NCAM1: variants seen among roughly 807,000 people sequenced by gnomAD.
NCAM1 encodes the protein antigen recognized by monoclonal antibody 5.1H11.
NCAM1 carries 14 observed loss-of-function variants against 109.8 expected under a neutral mutation model. The observed-to-expected ratio is 0.13, with a 90% CI of 0.08 to 0.20. NCAM1 has a LOEUF of 0.20. Among genes scored for constraint, NCAM1 ranks in the 10% least tolerant of loss-of-function variants. The pLI is 1.00. For synonymous variants in NCAM1, 418 were observed against 442.9 expected (o/e 0.94, Z 0.70); for missense variants, 774 against 1,109.9 (o/e 0.70, Z 4.30).
chr11:113,256,010 C>T lies in NCAM1; in HGVS notation c.1953+9C>T. 6.3e-7 allele frequency: 1 copy of T among 1,593,272 alleles called. No homozygotes were observed. The highest frequency in any genetic ancestry group is 1.3e-5 in the African/African-American group (1 of 74,488). On this transcript the variant is annotated intron_variant, in intron 16 of 19. Coordinates refer to ENST00000316851, the MANE Select transcript of NCAM1 (RefSeq NM_181351.5). ...TGGTCAGGTACCGAGCGGTGAGTGG[C>T]CTCCTTCTCAGACTTCACCAGAACC...
chr11:113,022,561 C>T (rs897991118), intron 1 of NCAM1, among the ~76,000 whole-genome samples: 2 of 152,136 alleles, frequency 1.3e-5, no homozygotes, highest in African/African-American at 4.8e-5. Flanking sequence ...AGAATAGAAT[C>T]TGGTAGAGAG....
chr11:112,987,753 C>G (rs782332288), intron 1 of NCAM1, among the ~76,000 whole-genome samples: 1 of 151,944 alleles, frequency 6.6e-6, no homozygotes, highest in South Asian at 2.1e-4. Flanking sequence ...TTTTTCTACC[C>G]CTTCAGTTTT....
intron 1 of NCAM1, among the ~76,000 whole-genome samples, chr11:113,019,758 A>T (rs1269091610): frequency 3.9e-5 from 6 of 152,210 alleles, no homozygotes; most frequent in African/African-American, 1.4e-4. Flanking sequence ...ATAAGATTTC[A>T]TATGTCCAAT....
At chr11:113,202,219 A>G (rs1267391966) in intron 1 of NCAM1, 160 bp from the exon 2 acceptor site, 1 of 735,298 alleles carries the variant, frequency 1.4e-6, no homozygotes, top group African/African-American at 1.8e-5. Context: ...CAAACTCCAC[A>G]CAACCTCCTC....
At chr11:113,155,811 G>A (rs1942389750) in intron 1 of NCAM1, among the ~76,000 whole-genome samples, 2 of 151,996 alleles carry the variant, frequency 1.3e-5, no homozygotes, top group African/African-American at 4.8e-5. Context: ...GCACATGTAT[G>A]TACTCTGGGT....
Position 113,207,377 on chromosome 11 carries a change from A to G in NCAM1, c.745A>G (p.Lys249Glu). 1 of 1,611,700 alleles carries G rather than the reference A, an allele frequency of 6.2e-7. No individual in the cohort carries two copies. Among genetic ancestry groups the G allele is most frequent in the Non-Finnish European group, 8.5e-7 (1 of 1,177,816 alleles). The stretch of plus-strand genomic sequence containing the variant: ...CCCAGAGCCCACCATGAGCTGGACA[A>G]AGTAAGAAACTGGCTCATACCTTTT... ...GFPEPTMSWT[K>E]DGEQIEQEED... The change falls in exon 6 of 20, where the codon AAG becomes GAG. Residue 249 changes from lysine (K) to glutamate (E), a missense_variant and splice_region_variant. Around this residue, in one of 4 missense-constraint regions of NCAM1, gnomAD observed 523 missense variants for 784.2 expected, o/e 0.67. Coordinates refer to ENST00000316851, the MANE Select transcript of NCAM1 (RefSeq NM_181351.5).
At chr11:113,185,079 T>TAGAGAGAGAGAGAG (rs782462491) in intron 1 of NCAM1, among the ~76,000 whole-genome samples, 1 of 125,738 alleles carries the variant, frequency 8.0e-6, no homozygotes, top group African/African-American at 3.2e-5. Context: ...TATATATATA[T>TAGAGAGAGAGAGAG]AGAGAGAGAG....
At chr11:113,064,315 A>G (rs1296189688) in intron 1 of NCAM1, among the ~76,000 whole-genome samples, 2 of 152,236 alleles carry the variant, frequency 1.3e-5, no homozygotes, top group Non-Finnish European at 2.9e-5. Context: ...GCCTCCAGGC[A>G]GGAGTAACAT....
rs373944577 is a variant in NCAM1, at chr11:113,242,735, T to C, written c.1826-3633T>C. 1,417 of 1,357,604 alleles carry C rather than the reference T, an allele frequency of 1.0e-3. 3 individuals carry two copies. The highest frequency in any genetic ancestry group is 1.3e-3 in the Non-Finnish European group (1,224 of 947,266). The allele number at this position is 1,357,604 out of a possible 1,614,324, so 84.1% of individuals were successfully genotyped here. ...ACCCATGTATGTATACATATATAGC[T>C]ATGAGTTTAATTTATCTCCATTCTC... is the stretch of plus-strand genomic sequence containing the variant. On this transcript the variant is annotated intron_variant, in intron 14 of 19. Coordinates refer to ENST00000316851, the MANE Select transcript of NCAM1 (RefSeq NM_181351.5).
At chr11:113,264,073 G>A in intron 17 of NCAM1, 1 of 985,278 alleles carries the variant, frequency 1.0e-6, no homozygotes, top group Non-Finnish European at 1.2e-6. Flanking sequence ...GGAGACTCAG[G>A]GCTGAATCCT....
intron 1 of NCAM1, among the ~76,000 whole-genome samples, chr11:112,984,697 G>C (rs1475158016): frequency 2.0e-5 from 3 of 151,456 alleles, no homozygotes; most frequent in Non-Finnish European, 4.4e-5. Flanking sequence ...ATTTTTATGT[G>C]TTTTTAGGAA....
At chr11:113,255,597 G>GAAAAAAAAAAA (rs34738476) in intron 15 of NCAM1, among the ~76,000 whole-genome samples, 1 of 92,966 alleles carries the variant, frequency 1.1e-5, no homozygotes, top group Non-Finnish European at 2.0e-5. Context: ...TGAGACAGGG[G>GAAAAAAAAAAA]AAAAAAAAAA....
chr11:113,091,823 C>T (rs1194343966), intron 1 of NCAM1, among the ~76,000 whole-genome samples: 2 of 152,128 alleles, frequency 1.3e-5, no homozygotes, highest in Non-Finnish European at 2.9e-5. Context: ...GATGAGAATT[C>T]AAATGTAAGT....
intron 9 of NCAM1, among the ~76,000 whole-genome samples, chr11:113,225,903 G>T (rs1555116119): frequency 1.3e-5 from 2 of 152,100 alleles, no homozygotes; most frequent in African/African-American, 4.8e-5. Flanking sequence ...GTCACCACCA[G>T]GCCTGCCCTA....
At chr11:113,127,760 G>T (rs772230610) in intron 1 of NCAM1, among the ~76,000 whole-genome samples, 1 of 152,368 alleles carries the variant, frequency 6.6e-6, no homozygotes, top group South Asian at 2.1e-4. Flanking sequence ...CTGCTCAGCA[G>T]CGTCCCTTCC....
At chr11:113,082,001 A>AT (rs1555087307) in intron 1 of NCAM1, among the ~76,000 whole-genome samples, 1 of 152,210 alleles carries the variant, frequency 6.6e-6, no homozygotes, top group African/African-American at 2.4e-5. Flanking sequence ...CTATATGCAC[A>AT]TGAATGGAAA....
At chr11:112,985,050 G>T (rs782005696) in intron 1 of NCAM1, among the ~76,000 whole-genome samples, 5 of 151,522 alleles carry the variant, frequency 3.3e-5, no homozygotes, top group Non-Finnish European at 5.9e-5. Flanking sequence ...ATTTTGAGTT[G>T]ATTTTTGTGT....
chr11:113,008,061 A>G (rs1951934188), intron 1 of NCAM1, among the ~76,000 whole-genome samples: 2 of 152,242 alleles, frequency 1.3e-5, no homozygotes, highest in South Asian at 4.1e-4. Context: ...TTCTTAGTCC[A>G]TAAAATAATG....
intron 14 of NCAM1, 193 bp downstream of exon 14, chr11:113,235,357 C>A: frequency 8.0e-7 from 1 of 1,248,214 alleles, no homozygotes; most frequent in Non-Finnish European, 1.2e-6. Context: ...TTCATTCTCT[C>A]TTTCTCCAAG....
Sources: gnomAD v4.1 joint callset for allele counts (sites outside exome capture counted in the v4.1 genomes callset) on GRCh38, gnomAD v4.1.1 for gene constraint, gnomAD v4.1.1 regional missense constraint, MANE v1.5 for transcripts, NCBI Gene and HGNC (gene_info 2026-07-23, HGNC 2026-07-21) for gene names.